The following LAMC1 variants were observed in gnomAD, a reference collection of about 807,000 sequenced individuals.
The protein encoded by LAMC1 is laminin subunit gamma 1.
LAMC1 carries 38 observed loss-of-function variants against 173.6 expected under a neutral mutation model. The ratio of observed to expected loss-of-function variants is 0.22; its 90% confidence interval spans 0.17 to 0.29. LAMC1 has a LOEUF of 0.29. Ranked by LOEUF, LAMC1 falls within the 10% of genes least tolerant of loss-of-function variation. LAMC1 has a pLI of 1.00. For missense variants in LAMC1, 1,824 were observed against 2,051.8 expected (o/e 0.89, Z 2.14); for synonymous variants, 746 against 749.1 (o/e 1.00, Z 0.07).
intron 22 of LAMC1, among the ~76,000 whole-genome samples, chr1:183,133,955 T>G (rs1656869291): frequency 1.3e-5 from 2 of 152,264 alleles, no homozygotes; most frequent in South Asian, 4.1e-4. Flanking sequence ...ACATTTGAAT[T>G]GCTTAAAGCA....
At chr1:183,044,814 A>G (rs936168131) in intron 1 of LAMC1, among the ~76,000 whole-genome samples, 4 of 152,080 alleles carry the variant, frequency 2.6e-5, no homozygotes, top group Admixed American at 2.0e-4. Context: ...AGGATCCACA[A>G]TGCCAAGTTA....
At chr1:183,074,774 A>C (rs1655086604) in intron 1 of LAMC1, among the ~76,000 whole-genome samples, 1 of 152,142 alleles carries the variant, frequency 6.6e-6, no homozygotes, top group South Asian at 2.1e-4. Context: ...GAATTACTGG[A>C]GTCTATTTTT....
At chr1:183,139,165 A>G (rs1472112173) in intron 26 of LAMC1, among the ~76,000 whole-genome samples, 3 of 152,214 alleles carry the variant, frequency 2.0e-5, no homozygotes, top group Admixed American at 6.5e-5. Context: ...AGAAAACAGT[A>G]TATTCTTTAG....
At chr1:183,064,277 G>A (rs1293704766) in intron 1 of LAMC1, among the ~76,000 whole-genome samples, 1 of 152,146 alleles carries the variant, frequency 6.6e-6, no homozygotes, top group African/African-American at 2.4e-5. Flanking sequence ...ATGTCATAGG[G>A]TGAACTTAGA....
intron 26 of LAMC1, among the ~76,000 whole-genome samples, chr1:183,138,794 C>G (rs1041625064): frequency 1.3e-5 from 2 of 152,142 alleles, no homozygotes; most frequent in African/African-American, 4.8e-5. Context: ...TGGTTCACTC[C>G]TGTAATCCCA....
At chr1:183,031,262 CAT>C (rs1255658264) in intron 1 of LAMC1, among the ~76,000 whole-genome samples, 2 of 152,178 alleles carry the variant, frequency 1.3e-5, no homozygotes, top group Non-Finnish European at 2.9e-5. Flanking sequence ...GCAGTAACCA[CAT>C]ATTCATCTAA....
intron 13 of LAMC1, among the ~76,000 whole-genome samples, chr1:183,123,067 A>C (rs1385217639): frequency 1.5e-4 from 23 of 152,176 alleles, no homozygotes; most frequent in Non-Finnish European, 7.3e-5. Flanking sequence ...ATCCAAGTTA[A>C]ATATTTGATT....
At chr1:183,112,921 A>C (rs1656205233) in intron 4 of LAMC1, among the ~76,000 whole-genome samples, 1 of 152,234 alleles carries the variant, frequency 6.6e-6, no homozygotes, top group Non-Finnish European at 1.5e-5. Flanking sequence ...ATGGTGGCTC[A>C]CACTTGCAGT....
intron 1 of LAMC1, among the ~76,000 whole-genome samples, chr1:183,093,710 T>C (rs1421556776): frequency 6.6e-6 from 1 of 152,188 alleles, no homozygotes; most frequent in Non-Finnish European, 1.5e-5. Context: ...TATCTTCAAC[T>C]TAGTATATCT....
At chr1:183,138,228 A>G in intron 26 of LAMC1, 1 of 971,880 alleles carries the variant, frequency 1.0e-6, no homozygotes, top group Non-Finnish European at 1.2e-6. Flanking sequence ...TATATAAGAA[A>G]TTTTTGAAGA....
chr1:183,130,375 G>A lies in LAMC1; in HGVS notation c.3312G>A (p.Gln1104=). 4 of 1,614,112 alleles carry A rather than the reference G, an allele frequency of 2.5e-6. No homozygotes were observed. Among genetic ancestry groups the A allele is most frequent in the Non-Finnish European group, 3.4e-6 (4 of 1,179,946 alleles). The change falls in exon 19 of 28, where the codon CAG becomes CAA. Residue 1104 remains glutamine (Q), a synonymous_variant. Transcript: ENST00000258341. ...ACCAGAATTTGATGGATCGCCTACA[G>A]AGAGTGAATAACACTCTGTCCAGCC... ...DVDQNLMDRL[Q]RVNNTLSSQI...
chr1:183,131,166 C>G, intron 19 of LAMC1, 133 bp from the exon 20 acceptor site: 1 of 588,856 alleles, frequency 1.7e-6, no homozygotes, highest in Non-Finnish European at 2.9e-6. Flanking sequence ...AAGAGTGAAA[C>G]TATCTCAAAA....
intron 1 of LAMC1, among the ~76,000 whole-genome samples, chr1:183,090,840 A>G (rs1571433724): frequency 1.3e-5 from 2 of 152,304 alleles, no homozygotes; most frequent in East Asian, 1.9e-4. Flanking sequence ...AGGAGGGGAC[A>G]CTGCTGGAAA....
chr1:183,138,167 CTTCTTA>C (rs929953120), intron 26 of LAMC1: 7 of 907,862 alleles, frequency 7.7e-6, no homozygotes, highest in Non-Finnish European at 9.2e-6. Flanking sequence ...AGTTAATTTT[CTTCTTA>C]TTCTTGTTCT....
intron 1 of LAMC1, among the ~76,000 whole-genome samples, chr1:183,033,438 C>T (rs540423424): frequency 6.6e-6 from 1 of 152,290 alleles, no homozygotes; most frequent in African/African-American, 2.4e-5. Context: ...AATGGTAAGT[C>T]TGTGGGTTTT....
chr1:183,141,876 T>C (rs538688046), intron 27 of LAMC1, among the ~76,000 whole-genome samples: 2 of 152,382 alleles, frequency 1.3e-5, no homozygotes, highest in South Asian at 2.1e-4. Flanking sequence ...TGTGAGACTT[T>C]AATCAAGTCA....
chr1:183,110,715 G>A, intron 4 of LAMC1, 61 bp downstream of exon 4: 1 of 1,522,896 alleles, frequency 6.6e-7, no homozygotes, highest in Non-Finnish European at 9.0e-7. Flanking sequence ...GTGGAAGAAG[G>A]AATGGGTGAC....
chr1:183,105,094 C>A (rs1655937809), intron 2 of LAMC1, among the ~76,000 whole-genome samples: 1 of 150,068 alleles, frequency 6.7e-6, no homozygotes, highest in Non-Finnish European at 1.5e-5. Flanking sequence ...GTGGCAGGTG[C>A]CTGTAATCCC....
intron 26 of LAMC1, among the ~76,000 whole-genome samples, chr1:183,139,916 A>C (rs965170950): frequency 6.6e-6 from 1 of 152,190 alleles, no homozygotes; most frequent in Admixed American, 6.5e-5. Flanking sequence ...TTTACAGAAG[A>C]GAACTCCTAG....
Sources: gnomAD v4.1 joint callset for allele counts (sites outside exome capture counted in the v4.1 genomes callset) on GRCh38, gnomAD v4.1.1 for gene constraint, MANE v1.5 for transcripts, NCBI Gene and HGNC (gene_info 2026-07-23, HGNC 2026-07-21) for gene names.